HIPK3: variants seen among roughly 807,000 people sequenced by gnomAD.
HIPK3 encodes homeodomain-interacting protein kinase 3.
In HIPK3, 47 loss-of-function variants were observed where a neutral mutation model predicts 124.2. The observed-to-expected ratio is 0.38, with a 90% CI of 0.30 to 0.48. HIPK3 has a LOEUF of 0.48. Ranked by LOEUF, HIPK3 falls within the 20% of genes least tolerant of loss-of-function variation. The pLI is 0.98. For missense variants in HIPK3, 1,286 were observed against 1,454.3 expected, an observed-to-expected ratio of 0.88 and a Z score of 1.88; for synonymous variants, 482 against 515.2, an observed-to-expected ratio of 0.94 and a Z score of 0.87.
chr11:33,330,801 T>C (rs1266085277), intron 3 of HIPK3, among the ~76,000 whole-genome samples: 1 of 152,014 alleles, frequency 6.6e-6, no homozygotes, highest in African/African-American at 2.4e-5. Flanking sequence ...TTTTTTTCCC[T>C]ATCAGTCTTA....
At chr11:33,351,521 T>C (rs773571623) in intron 14 of HIPK3, 87 bp from the exon 15 acceptor site, 5 of 830,344 alleles carry the variant, frequency 6.0e-6, no homozygotes, top group Admixed American at 4.4e-5. Context: ...AATGTTCTCA[T>C]CAGTTCACTG....
intron 1 of HIPK3, among the ~76,000 whole-genome samples, chr11:33,265,184 G>C (rs1262019615): frequency 6.6e-6 from 1 of 152,220 alleles, no homozygotes; most frequent in East Asian, 1.9e-4. Flanking sequence ...AGGTTATGCT[G>C]CTATATAACC....
rs369155403 is a variant in HIPK3 at position 33,348,112 on chromosome 11, C to A, written c.2307-54C>A. ...GTCACTCTGTTGTATTCAAAATGAC[C>A]TCTTTTATAGCTTTGTTACAAACAC... On this transcript the variant is annotated intron_variant, in intron 11 of 16. Transcript: ENST00000303296. The A allele has an allele frequency of 1.5e-4, 235 of 1,605,928 alleles. 1 individual carries two copies. Among genetic ancestry groups the A allele is most frequent in the Non-Finnish European group, 1.9e-4 (222 of 1,173,642 alleles).
In HIPK3 at chr11:33,355,804, T is replaced by G. The variant is rs930475379; in HGVS notation, c.*2236T>G. The stretch of plus-strand genomic sequence containing the variant: ...CCACAAGTTTCAGTGTTTTTAGTAA[T>G]TAATTCTATGCATTTTATACAAATA... On this transcript the variant is annotated 3_prime_UTR_variant, in exon 17 of 17. Transcript: ENST00000303296. 2.6e-5 allele frequency: 4 copies of G among 151,042 alleles called. No homozygotes were observed. The highest frequency in any genetic ancestry group is 9.7e-5 in the African/African-American group (4 of 41,356). The allele number at this position is 151,042 out of a possible 1,614,324, so 9.4% of individuals were successfully genotyped here.
Position 33,286,442 on chromosome 11 carries a change from C to T in HIPK3, c.28C>T (p.Pro10Ser), listed in dbSNP as rs1851555334. MASQVLVYPPYVYQTQSSAF... is the reference protein window; with the variant it reads MASQVLVYPSYVYQTQSSAF... The stretch of plus-strand genomic sequence containing the variant: ...GGCCTCACAAGTCTTGGTCTACCCA[C>T]CATATGTTTATCAAACTCAGTCAAG... The change falls in exon 2 of 17, where the codon CCA (proline) becomes TCA (serine). Residue 10 changes from proline to serine, a missense_variant. Around this residue, in one of 3 missense-constraint regions of HIPK3, gnomAD observed 225 missense variants for 240.3 expected, o/e 0.94. Transcript: ENST00000303296. 6.2e-7 allele frequency: 1 copy of T among 1,604,870 alleles called. No individual in the cohort carries two copies. The highest frequency in any genetic ancestry group is 8.5e-7 in the Non-Finnish European group (1 of 1,176,286).
intron 1 of HIPK3, among the ~76,000 whole-genome samples, chr11:33,279,847 G>C (rs1851366451): frequency 6.6e-6 from 1 of 152,048 alleles, no homozygotes; most frequent in African/African-American, 2.4e-5. Context: ...GCGCCCTTTT[G>C]CTGTATCCTT....
intron 3 of HIPK3, among the ~76,000 whole-genome samples, chr11:33,329,984 C>A (rs1436929336): frequency 6.6e-6 from 1 of 152,122 alleles, no homozygotes; most frequent in Non-Finnish European, 1.5e-5. Context: ...CTTCACAGTT[C>A]ATCTTGGACA....
At chr11:33,264,296 A>G (rs1183325819) in intron 1 of HIPK3, among the ~76,000 whole-genome samples, 1 of 152,158 alleles carries the variant, frequency 6.6e-6, no homozygotes, top group East Asian at 1.9e-4. Flanking sequence ...ATTCTTGATC[A>G]TGTTGAACGC....
At chr11:33,258,199 G>GGGGCGGGCC in intron 1 of HIPK3, 1 of 636,592 alleles carries the variant, frequency 1.6e-6, no homozygotes, top group Non-Finnish European at 2.0e-6. Context: ...GGGCCCGGGG[G>GGGGCGGGCC]CCTCGGCCCC....
chr11:33,274,493 C>T (rs193216524), intron 1 of HIPK3, among the ~76,000 whole-genome samples: 9 of 152,050 alleles, frequency 5.9e-5, no homozygotes, highest in South Asian at 2.1e-4. Context: ...AGATATTGGG[C>T]GTTGTATGAA....
chr11:33,303,971 T>C (rs1852078566), intron 2 of HIPK3, among the ~76,000 whole-genome samples: 1 of 151,982 alleles, frequency 6.6e-6, no homozygotes, highest in Non-Finnish European at 1.5e-5. Context: ...TGAAATGGAG[T>C]CTCTCTGTCA....
In HIPK3 at chr11:33,286,408, T is replaced by G. The variant is rs1590358435; in HGVS notation, c.-2-5T>G. On this transcript the variant is annotated splice_region_variant and splice_polypyrimidine_tract_variant and intron_variant, in intron 1 of 16. Coordinates refer to ENST00000303296, the MANE Select transcript of HIPK3 (RefSeq NM_005734.5). ...TTCTTTTCCTTTTTTTTTTTTTTTTTGCAGGTATGGCCTCACAAGTCTTGG... is the reference window on the plus strand; with the variant it reads ...TTCTTTTCCTTTTTTTTTTTTTTTTGGCAGGTATGGCCTCACAAGTCTTGG... 1 of 1,193,830 alleles carries G rather than the reference T, an allele frequency of 8.4e-7. No individual in the cohort carries two copies. The allele number at this position is 1,193,830 out of a possible 1,614,324, so 74.0% of individuals were successfully genotyped here. A position where few individuals can be genotyped will look rare whatever the true frequency, so the allele number is the denominator to read the frequency against.
In HIPK3 at chr11:33,341,139, T is replaced by G; in HGVS notation, c.1773+12T>G. ...CATTAAGAAGTCAGGTAAGAATGTG[T>G]AGTAATTAATAACTTAGGGTCTTTT... On this transcript the variant is annotated intron_variant, in intron 7 of 16. Coordinates refer to ENST00000303296, the MANE Select transcript of HIPK3 (RefSeq NM_005734.5). 1 of 1,546,396 alleles carries G rather than the reference T, an allele frequency of 6.5e-7. No individual in the cohort carries two copies. The highest frequency in any genetic ancestry group is 8.7e-7 in the Non-Finnish European group (1 of 1,146,810).
chr11:33,287,988 A>G lies in HIPK3; in HGVS notation c.1097+477A>G, dbSNP rs865903425. On this transcript the variant is annotated intron_variant, in intron 2 of 16. Transcript: ENST00000303296. ...GGGCCAGAAGTGTTTTGGATTCCAG[A>G]TTTTTCCGGATTTTGGAATATTTGC... Among the ~76,000 whole-genome samples the G allele has an allele frequency of 4.2e-4, 64 of 152,048 alleles. 1 individual carries two copies. Among genetic ancestry groups the G allele is most frequent in the Non-Finnish European group, 1.6e-4 (11 of 68,026 alleles).
chr11:33,286,361 A>C, intron 1 of HIPK3, 52 bp from the exon 2 acceptor site: 1 of 1,372,386 alleles, frequency 7.3e-7, no homozygotes, highest in Non-Finnish European at 9.5e-7. Context: ...TGTTGACATT[A>C]ATATTTCTTC....
intron 2 of HIPK3, among the ~76,000 whole-genome samples, chr11:33,314,975 GAT>G (rs1159234114): frequency 6.6e-6 from 1 of 152,054 alleles, no homozygotes; most frequent in East Asian, 1.9e-4. Flanking sequence ...CATACAATAA[GAT>G]ATTCGAAAAG....
intron 2 of HIPK3, among the ~76,000 whole-genome samples, chr11:33,300,721 GT>G (rs1241305255): frequency 6.6e-6 from 1 of 152,044 alleles, no homozygotes. Flanking sequence ...ATTTGTGGGT[GT>G]TTATGTGTGT....
chr11:33,309,091 T>C (rs1852250077), intron 2 of HIPK3, among the ~76,000 whole-genome samples: 1 of 152,222 alleles, frequency 6.6e-6, no homozygotes, highest in Non-Finnish European at 1.5e-5. Context: ...TAGCCTTCTG[T>C]GTAAAAATGA....
In HIPK3 at chr11:33,258,675, C is replaced by T. The variant is rs1272386748; in HGVS notation, c.-3+786C>T. ...GTCTGTTTCTCTGTCGGGAGGGAGA[C>T]GGCTGTTGTAAAATGGTATGTGGCT... On this transcript the variant is annotated intron_variant, in intron 1 of 16. Coordinates refer to ENST00000303296, the MANE Select transcript of HIPK3 (RefSeq NM_005734.5). The T allele has an allele frequency of 1.2e-5, 12 of 985,096 alleles. No homozygotes were observed. The East Asian group carries it at 5.7e-4, about 47-fold the overall frequency. 61.0% of individuals were successfully genotyped at this position (985,096 alleles called of 1,614,324 possible).
Sources: allele counts gnomAD v4.1 joint callset (sites outside exome capture counted in the v4.1 genomes callset), GRCh38; gene constraint gnomAD v4.1.1; regional missense constraint gnomAD v4.1.1; transcripts MANE v1.5; gene names NCBI Gene and HGNC (gene_info 2026-07-23, HGNC 2026-07-21).